Variants in CRYBG3 observed in about 807,000 individuals in gnomAD.
CRYBG3 encodes the protein crystallin beta-gamma domain containing 3.
A neutral mutation model predicts 244.2 loss-of-function variants in CRYBG3; 127 were observed. That is an observed-to-expected ratio of 0.52 (90% CI 0.45 to 0.60). CRYBG3 has a LOEUF of 0.60. Among genes scored for constraint, CRYBG3 ranks in the 20% least tolerant of loss-of-function variants. The pLI is 0.00. For missense variants in CRYBG3, 3,325 were observed against 3,442.5 expected (o/e 0.97, Z 0.85); for synonymous variants, 1,132 against 1,195.8 (o/e 0.95, Z 1.10).
chr3:97,890,003 T>G (rs2039556956), intron 10 of CRYBG3, among the ~76,000 whole-genome samples: 1 of 152,124 alleles, frequency 6.6e-6, no homozygotes, highest in East Asian at 1.9e-4. Context: ...GTAATTAGGT[T>G]ACAGCACCTC....
intron 2 of CRYBG3, among the ~76,000 whole-genome samples, chr3:97,858,472 G>A (rs2039098472): frequency 6.6e-6 from 1 of 152,016 alleles, no homozygotes; most frequent in South Asian, 2.1e-4. Context: ...TCATTAAATA[G>A]GTTTTCTGTG....
chr3:97,903,666 G>C (rs1037957038), intron 15 of CRYBG3, among the ~76,000 whole-genome samples: 12 of 152,100 alleles, frequency 7.9e-5, no homozygotes, highest in African/African-American at 2.9e-4. Context: ...GAATAAGTGA[G>C]CACAGCTGTG....
chr3:97,863,793 G>A (rs1030172169), intron 2 of CRYBG3, among the ~76,000 whole-genome samples: 1 of 151,770 alleles, frequency 6.6e-6, no homozygotes, highest in Non-Finnish European at 1.5e-5. Flanking sequence ...TGTCATTTTC[G>A]TACCCTAACC....
chr3:97,864,663 C>T lies in CRYBG3; in HGVS notation c.647+16C>T. Reference sequence around the variant, plus strand: ...ATTTGCTAAAGTAAGTTTAAAATTTCATTGAACCAAAAAAAATTGAGCTTT... The same window carrying T: ...ATTTGCTAAAGTAAGTTTAAAATTTTATTGAACCAAAAAAAATTGAGCTTT... On this transcript the variant is annotated intron_variant, in intron 3 of 21. Coordinates refer to ENST00000389622, the MANE Select transcript of CRYBG3 (RefSeq NM_153605.4). 1 of 1,489,436 alleles carries T rather than the reference C, an allele frequency of 6.7e-7. No individual in the cohort carries two copies. The highest frequency in any genetic ancestry group is 2.5e-5 in the East Asian group (1 of 40,496). The allele number at this position is 1,489,436 out of a possible 1,614,324, so 92.3% of individuals were successfully genotyped here. A position where few individuals can be genotyped will look rare whatever the true frequency, so the allele number is the denominator to read the frequency against.
intron 2 of CRYBG3, among the ~76,000 whole-genome samples, chr3:97,854,672 C>A (rs1166292744): frequency 6.6e-6 from 1 of 150,964 alleles, no homozygotes; most frequent in Admixed American, 6.6e-5. Context: ...TGGGGTATAG[C>A]AGTGCTCCTG....
intron 17 of CRYBG3, among the ~76,000 whole-genome samples, chr3:97,930,478 T>G (rs991784370): frequency 7.2e-5 from 11 of 152,028 alleles, no homozygotes; most frequent in African/African-American, 4.8e-5. Flanking sequence ...ACCTTGCCTG[T>G]GGCCACTCAA....
intron 2 of CRYBG3, among the ~76,000 whole-genome samples, chr3:97,846,996 T>C (rs186328324): frequency 4.3e-4 from 66 of 152,284 alleles, no homozygotes; most frequent in Admixed American, 1.2e-3. Flanking sequence ...GTGGAAATCA[T>C]AGCAGAAGGC....
At chr3:97,935,472 G>A (rs1308526148) in intron 18 of CRYBG3, among the ~76,000 whole-genome samples, 1 of 151,862 alleles carries the variant, frequency 6.6e-6, no homozygotes, top group Non-Finnish European at 1.5e-5. Flanking sequence ...CTTGGTTGTG[G>A]GGAGCAAGGA....
Position 97,899,008 on chromosome 3 carries a change from T to A in CRYBG3, c.7827T>A (p.Ile2609=). ...GCTTTGGCAGTAAAACAAGATCCAT[T>A]CATGTTAAAAGTGGAGTGTAAGTTG... ...EIGFGSKTRS[I]HVKSGVWVAY... The change falls in exon 13 of 22, where the codon ATT becomes ATA. Residue 2609 remains isoleucine (I), a synonymous_variant. Coordinates refer to ENST00000389622, the MANE Select transcript of CRYBG3 (RefSeq NM_153605.4). The A allele has an allele frequency of 6.2e-7, 1 of 1,611,924 alleles. No homozygotes were observed. Among genetic ancestry groups the A allele is most frequent in the Middle Eastern group, 1.7e-4 (1 of 6,038 alleles).
chr3:97,879,652 A>G (rs373559497), intron 4 of CRYBG3, 52 bp from the exon 5 acceptor site: 32 of 1,296,266 alleles, frequency 2.5e-5, no homozygotes, highest in Admixed American at 1.2e-4. Context: ...TGAATTATGC[A>G]TCTTTTCACC....
chr3:97,877,804 A>G lies in CRYBG3; in HGVS notation c.6610A>G (p.Thr2204Ala), dbSNP rs375789891. 100 of 1,614,060 alleles carry G rather than the reference A, an allele frequency of 6.2e-5. 1 individual carries two copies. The South Asian group carries it at 1.1e-3, about 17-fold the overall frequency. Residue 2204 changes from threonine to alanine, a missense_variant, in exon 4 of 22, where the codon ACT becomes GCT. Coordinates refer to ENST00000389622, the MANE Select transcript of CRYBG3 (RefSeq NM_153605.4). Reference sequence around the variant, plus strand: ...TTCATATGTGATGCCAAATGAACCTACTACCTCCAATCTGCAAGTTGGTCT... The same window carrying G: ...TTCATATGTGATGCCAAATGAACCTGCTACCTCCAATCTGCAAGTTGGTCT... ...KNSYVMPNEP[T>A]TSNLQVGLWP...
chr3:97,939,086 A>AT (rs1427235907), intron 19 of CRYBG3, among the ~76,000 whole-genome samples: 2 of 151,908 alleles, frequency 1.3e-5, no homozygotes, highest in African/African-American at 4.8e-5. Flanking sequence ...TATGTTCCTC[A>AT]TTTTTTAATG....
intron 15 of CRYBG3, among the ~76,000 whole-genome samples, chr3:97,901,328 T>A (rs1328395664): frequency 6.6e-6 from 1 of 152,340 alleles, no homozygotes; most frequent in East Asian, 1.9e-4. Flanking sequence ...TAATTACTTT[T>A]AAATATTTGG....
At chr3:97,880,772 A>T (rs1218847288) in intron 6 of CRYBG3, among the ~76,000 whole-genome samples, 1 of 152,368 alleles carries the variant, frequency 6.6e-6, no homozygotes, top group South Asian at 2.1e-4. Flanking sequence ...GCAACTGTAT[A>T]GTTTCGTATA....
rs760928736 is a variant in CRYBG3, at chr3:97,877,102, A to T, written c.5908A>T (p.Ile1970Leu). 10 of 1,612,938 alleles carry T rather than the reference A, an allele frequency of 6.2e-6. No homozygotes were observed. The highest frequency in any genetic ancestry group is 8.5e-6 in the Non-Finnish European group (10 of 1,179,374). ...AGACAAAAGAATGTCTCTTACTGCA[A>T]TATATGACAAGAGGAGAGAGACAGA... is the stretch of plus-strand genomic sequence containing the variant. ...RLDKRMSLTA[I>L]YDKRRETDYS... Residue 1970 changes from isoleucine to leucine, a missense_variant, in exon 4 of 22, where the codon ATA becomes TTA. Around this residue, in one of 4 missense-constraint regions of CRYBG3, gnomAD observed 450 missense variants for 424.1 expected, o/e 1.06. Coordinates refer to ENST00000389622, the MANE Select transcript of CRYBG3 (RefSeq NM_153605.4).
Position 97,877,724 on chromosome 3 carries a change from A to T in CRYBG3, c.6530A>T (p.Asp2177Val), listed in dbSNP as rs374133102. 12 of 1,613,958 alleles carry T rather than the reference A, an allele frequency of 7.4e-6. No homozygotes were observed. The highest frequency in any genetic ancestry group is 1.0e-5 in the Non-Finnish European group (12 of 1,180,010). Residue 2177 changes from aspartate to valine, a missense_variant, in exon 4 of 22, where the codon GAT becomes GTT. Physicochemically the swap from Asp to Val is radical, Grantham distance 152 (BLOSUM62 -3). Around this residue, in one of 4 missense-constraint regions of CRYBG3, gnomAD observed 450 missense variants for 424.1 expected, o/e 1.06. Transcript: ENST00000389622. ...SGERVTFQLP[D>V]PSITFYPDDQ... ...GAGCGTGTTACCTTCCAGTTGCCAG[A>T]TCCTTCCATCACATTTTACCCTGAT...
At chr3:97,941,394 A>G in intron 20 of CRYBG3, 88 bp downstream of exon 20, 1 of 900,532 alleles carries the variant, frequency 1.1e-6, no homozygotes, top group Admixed American at 2.7e-5. Context: ...CTGGCATGAT[A>G]AAACAATGCA....
intron 19 of CRYBG3, among the ~76,000 whole-genome samples, chr3:97,938,215 C>A (rs957448606): frequency 1.3e-5 from 2 of 151,928 alleles, no homozygotes; most frequent in African/African-American, 4.8e-5. Context: ...GAATAAGGCT[C>A]CATCTGGAAA....
At chr3:97,925,142 A>G (rs921838659) in intron 17 of CRYBG3, among the ~76,000 whole-genome samples, 2 of 151,968 alleles carry the variant, frequency 1.3e-5, no homozygotes, top group Non-Finnish European at 2.9e-5. Context: ...TAAATAAAAT[A>G]ATTAGAAGAG....
Sources: allele counts gnomAD v4.1 joint callset (sites outside exome capture counted in the v4.1 genomes callset), GRCh38; gene constraint gnomAD v4.1.1; regional missense constraint gnomAD v4.1.1; transcripts MANE v1.5; gene names NCBI Gene and HGNC (gene_info 2026-07-23, HGNC 2026-07-21).